The following L3MBTL3 variants were observed in gnomAD, a reference collection of about 807,000 sequenced individuals.
The protein encoded by L3MBTL3 is lethal(3)malignant brain tumor-like protein 3.
A neutral mutation model predicts 102.3 loss-of-function variants in L3MBTL3; 27 were observed. The ratio of observed to expected loss-of-function variants is 0.26; its 90% CI spans 0.19 to 0.36. L3MBTL3 has a LOEUF of 0.36. Among genes scored for constraint, L3MBTL3 ranks in the 10% least tolerant of loss-of-function variants. The pLI is 1.00. For missense variants in L3MBTL3, 798 were observed against 955.3 expected (o/e 0.84, Z 2.17); for synonymous variants, 340 against 320.9 (o/e 1.06, Z -0.64).
In L3MBTL3 at chr6:130,086,478, A is replaced by T. The variant is rs555186488; in HGVS notation, c.1518+228A>T. On this transcript the variant is annotated intron_variant, in intron 16 of 22. Transcript: ENST00000361794. Reference sequence around the variant, plus strand: ...GAATGACTTAATATTTTGAGTATGTATTTGGAGAAAGAAAGTAGATACAAC... The same window carrying T: ...GAATGACTTAATATTTTGAGTATGTTTTTGGAGAAAGAAAGTAGATACAAC... Among the ~76,000 whole-genome samples the T allele has an allele frequency of 9.8e-5, 15 of 152,320 alleles. No individual in the cohort carries two copies. The South Asian group carries it at 3.1e-3, about 32-fold the overall frequency.
intron 9 of L3MBTL3, among the ~76,000 whole-genome samples, chr6:130,058,595 CA>C (rs1166408965): frequency 1.3e-5 from 2 of 152,060 alleles, no homozygotes; most frequent in Non-Finnish European, 2.9e-5. Context: ...AACAGACAAA[CA>C]AAACACATAC....
intron 3 of L3MBTL3, 134 bp downstream of exon 3, chr6:130,042,935 C>T: frequency 1.8e-6 from 1 of 552,590 alleles, no homozygotes; most frequent in Non-Finnish European, 3.2e-6. Flanking sequence ...ATGCTTAGAC[C>T]TCCACAATAA....
At chr6:130,025,979 A>T (rs369119207) in intron 2 of L3MBTL3, among the ~76,000 whole-genome samples, 1 of 152,262 alleles carries the variant, frequency 6.6e-6, no homozygotes, top group East Asian at 1.9e-4. Context: ...GGCAATTAAC[A>T]AAACAAAGCC....
chr6:130,074,479 G>A (rs1782829017), intron 13 of L3MBTL3, among the ~76,000 whole-genome samples: 1 of 152,162 alleles, frequency 6.6e-6, no homozygotes, highest in African/African-American at 2.4e-5. Context: ...ATTGCCACTA[G>A]AAAGAACTTT....
intron 2 of L3MBTL3, among the ~76,000 whole-genome samples, chr6:130,026,148 A>G (rs928557441): frequency 2.0e-5 from 3 of 152,176 alleles, no homozygotes; most frequent in Non-Finnish European, 2.9e-5. Flanking sequence ...GTGCAATTGT[A>G]TATCGAGTGC....
At chr6:130,107,552 T>C (rs1785065741) in intron 19 of L3MBTL3, among the ~76,000 whole-genome samples, 2 of 152,328 alleles carry the variant, frequency 1.3e-5, no homozygotes, top group South Asian at 4.1e-4. Context: ...TAAAACTAAA[T>C]GACAATAAAT....
At chr6:130,114,447 A>C (rs1276301948) in intron 19 of L3MBTL3, among the ~76,000 whole-genome samples, 1 of 152,140 alleles carries the variant, frequency 6.6e-6, no homozygotes, top group Non-Finnish European at 1.5e-5. Context: ...ATAGAGTCTC[A>C]CTCTTAAGAG....
intron 3 of L3MBTL3, among the ~76,000 whole-genome samples, chr6:130,048,602 A>G (rs1222641672): frequency 6.6e-6 from 1 of 152,274 alleles, no homozygotes; most frequent in Non-Finnish European, 1.5e-5. Context: ...TAAAATCAGC[A>G]TGTAGCTAGT....
chr6:130,134,481 G>T (rs536346496), intron 22 of L3MBTL3, among the ~76,000 whole-genome samples: 278 of 152,204 alleles, frequency 1.8e-3, no homozygotes, highest in African/African-American at 6.4e-3. Flanking sequence ...CAATATAAGG[G>T]GTGATTAAGA....
intron 22 of L3MBTL3, among the ~76,000 whole-genome samples, chr6:130,134,497 A>G (rs1414555282): frequency 6.6e-6 from 1 of 152,240 alleles, no homozygotes; most frequent in Non-Finnish European, 1.5e-5. Context: ...TAAGAATGAT[A>G]TCACTTACAG....
At position 130,049,759 on chromosome 6, in the gene L3MBTL3, C is replaced by T. The variant is rs538750136; in HGVS notation, c.218C>T (p.Pro73Leu). Residue 73 changes from proline (P) to leucine (L), a missense_variant, in exon 5 of 23, where the codon CCG (proline) becomes CTG (leucine). This residue lies in a region of L3MBTL3 where 434 missense variants were observed against 506.6 expected (regional missense o/e 0.86). Coordinates refer to ENST00000361794, the MANE Select transcript of L3MBTL3 (RefSeq NM_032438.4). The part of the protein sequence containing the change: ...TWMVPTAQEA[P>L]TSPPSSRPVF... Reference sequence around the variant, plus strand: ...ACTCCTAAATCTACATCTCCAGCCCCGACCTCTCCCCCGAGCTCCAGGCCC... The same window carrying T: ...ACTCCTAAATCTACATCTCCAGCCCTGACCTCTCCCCCGAGCTCCAGGCCC... The T allele has an allele frequency of 3.7e-5, 60 of 1,614,062 alleles. No homozygotes were observed. In the Middle Eastern group the frequency reaches 6.6e-4, roughly 18 times the overall value.
At chr6:130,073,623 T>G (rs1039550505) in intron 13 of L3MBTL3, among the ~76,000 whole-genome samples, 4 of 152,130 alleles carry the variant, frequency 2.6e-5, no homozygotes, top group African/African-American at 7.2e-5. Context: ...TGACATAAGA[T>G]GCGTTGCCTT....
intron 5 of L3MBTL3, among the ~76,000 whole-genome samples, chr6:130,050,621 C>G (rs577337235): frequency 6.6e-6 from 1 of 152,266 alleles, no homozygotes; most frequent in Non-Finnish European, 1.5e-5. Context: ...GTTTTCTTGC[C>G]TCTCTTTTCT....
intron 22 of L3MBTL3, among the ~76,000 whole-genome samples, chr6:130,135,188 G>A (rs1401561047): frequency 1.3e-5 from 2 of 150,826 alleles, no homozygotes; most frequent in South Asian, 2.1e-4. Context: ...AGCCACCTGA[G>A]TAGCTGGGAT....
chr6:130,089,334 G>A (rs1052879085), intron 16 of L3MBTL3, among the ~76,000 whole-genome samples: 33 of 150,806 alleles, frequency 2.2e-4, no homozygotes, highest in African/African-American at 5.4e-4. Flanking sequence ...TTCTGTCTTC[G>A]TGATAGTTTG....
At chr6:130,116,173 A>G (rs952600146) in intron 19 of L3MBTL3, among the ~76,000 whole-genome samples, 1 of 152,226 alleles carries the variant, frequency 6.6e-6, no homozygotes, top group African/African-American at 2.4e-5. Flanking sequence ...ATCCTACAAT[A>G]TAAGTAATTT....
chr6:130,088,630 T>C (rs1429763036), intron 16 of L3MBTL3, among the ~76,000 whole-genome samples: 1 of 152,180 alleles, frequency 6.6e-6, no homozygotes, highest in Non-Finnish European at 1.5e-5. Flanking sequence ...CTCATTTATG[T>C]TTTTAGTAAT....
At chr6:130,108,231 G>GTTTTTTTTTTTTTTTTTTT (rs869221525) in intron 19 of L3MBTL3, among the ~76,000 whole-genome samples, 2 of 91,052 alleles carry the variant, frequency 2.2e-5, no homozygotes. Flanking sequence ...TTTTTTTTTT[G>GTTTTTTTTTTTTTTTTTTT]TTTTTTTTTT....
chr6:130,059,885 T>A, intron 9 of L3MBTL3, 151 bp from the exon 10 acceptor site: 1 of 551,602 alleles, frequency 1.8e-6, no homozygotes, highest in African/African-American at 1.9e-5. Flanking sequence ...GTCCATTTTT[T>A]CAGTGGGTTA....
Sources: gnomAD v4.1 joint callset for allele counts (sites outside exome capture counted in the v4.1 genomes callset) on GRCh38, gnomAD v4.1.1 for gene constraint, gnomAD v4.1.1 regional missense constraint, MANE v1.5 for transcripts, NCBI Gene and HGNC (gene_info 2026-07-23, HGNC 2026-07-21) for gene names.